Variants in LSP1 observed in about 807,000 individuals in gnomAD.
LSP1 encodes the protein lymphocyte specific protein 1.
In LSP1, 32 loss-of-function variants were observed where a neutral mutation model predicts 49.3. That is an observed-to-expected ratio of 0.65 (90% confidence interval 0.49 to 0.87). LSP1 has a LOEUF of 0.87. LSP1 is among the 40% of genes least tolerant of loss of function. LSP1 has a pLI of 0.00. For synonymous variants in LSP1, 179 were observed against 178.8 expected (o/e 1.00, Z -0.01); for missense variants, 428 against 442.6 (o/e 0.97, Z 0.30).
At chr11:1,880,414 A>G (rs1589825839) in intron 2 of LSP1, among the ~76,000 whole-genome samples, 190 bp downstream of exon 2, 1 of 152,012 alleles carries the variant, frequency 6.6e-6, no homozygotes, top group Non-Finnish European at 1.5e-5. Flanking sequence ...GCCCTAGAGG[A>G]GGGTCTGCCA....
At chr11:1,879,214 G>A (rs1441038637) in intron 1 of LSP1, among the ~76,000 whole-genome samples, 2 of 152,144 alleles carry the variant, frequency 1.3e-5, no homozygotes, top group Non-Finnish European at 2.9e-5. Flanking sequence ...GTATGGTGGT[G>A]CATGCCTGTA....
chr11:1,853,572 C>G (rs1847414552), intron 1 of LSP1, among the ~76,000 whole-genome samples: 1 of 152,164 alleles, frequency 6.6e-6, no homozygotes, highest in African/African-American at 2.4e-5. Flanking sequence ...AAGGTGGGGG[C>G]TGGGGAGCAG....
intron 1 of LSP1, chr11:1,876,532 T>A: frequency 1.0e-6 from 1 of 985,504 alleles, no homozygotes; most frequent in Non-Finnish European, 1.2e-6. Context: ...AGCCGCCCTC[T>A]GGGCTCAGGA....
At chr11:1,873,443 C>G (rs1424324881) in intron 1 of LSP1, among the ~76,000 whole-genome samples, 2 of 149,838 alleles carry the variant, frequency 1.3e-5, no homozygotes, top group African/African-American at 4.9e-5. Flanking sequence ...GGAGATCTCA[C>G]TCCTCCGTCT....
In LSP1 at chr11:1,883,467, G is replaced by C; in HGVS notation, c.405G>C (p.Leu135=). The C allele has an allele frequency of 6.2e-7, 1 of 1,614,124 alleles. No homozygotes were observed. The highest frequency in any genetic ancestry group is 8.5e-7 in the Non-Finnish European group (1 of 1,180,026). The part of the protein sequence containing the change: ...YEKEDSDEVH[L]EELSLSKEGP... ...AGGAGGACAGTGATGAAGTCCACCTGGAGGAGTTGAGTCTGAGCAAGGAGG... is the reference window on the plus strand; with the variant it reads ...AGGAGGACAGTGATGAAGTCCACCTCGAGGAGTTGAGTCTGAGCAAGGAGG... Residue 135 remains leucine (L), a synonymous_variant, in exon 4 of 11, where the codon CTG becomes CTC. Coordinates refer to ENST00000311604, the MANE Select transcript of LSP1 (RefSeq NM_002339.3).
chr11:1,855,544 C>T lies in LSP1; in HGVS notation c.53+2347C>T, dbSNP rs140989091. Among the ~76,000 whole-genome samples the T allele has an allele frequency of 2.5e-4, 38 of 152,328 alleles. No individual in the cohort carries two copies. The East Asian group carries it at 7.3e-3, about 29-fold the overall frequency. ...GGGACGGGGCCAGATTCCTCAGAAC[C>T]ACCCCTCCATGATGTGGTCTCTCAG... is the stretch of plus-strand genomic sequence containing the variant. On this transcript the variant is annotated intron_variant, in intron 1 of 10. Coordinates refer to ENST00000311604, the MANE Select transcript of LSP1 (RefSeq NM_002339.3).
intron 1 of LSP1, among the ~76,000 whole-genome samples, chr11:1,874,930 C>T (rs1848244799): frequency 6.6e-6 from 1 of 152,190 alleles, no homozygotes; most frequent in Non-Finnish European, 1.5e-5. Flanking sequence ...GGCTTTCTAC[C>T]TCACCAAGCC....
rs1321265627 is a variant in LSP1, at chr11:1,884,529, T to C, written c.665T>C (p.Leu222Ser). Reference protein sequence around the residue: ...SNSVKKSQPDLPISKIDQWLE... With the variant: ...SNSVKKSQPDSPISKIDQWLE... ...AGTGTGAAGAAATCCCAGCCAGACT[T>C]GCCCATCTCCAAGATTGATCAGTGG... The change falls in exon 7 of 11, where the codon TTG (leucine) becomes TCG (serine). Residue 222 changes from leucine to serine, a missense_variant. Transcript: ENST00000311604. The surrounding 1 kb of genome is among the most constrained non-coding windows in gnomAD (Gnocchi z 4.1). 2.5e-5 allele frequency: 41 copies of C among 1,613,932 alleles called. No homozygotes were observed. Among genetic ancestry groups the C allele is most frequent in the Non-Finnish European group, 2.8e-5 (33 of 1,179,942 alleles).
At chr11:1,875,977 G>A (rs746729845) in intron 1 of LSP1, among the ~76,000 whole-genome samples, 3 of 152,254 alleles carry the variant, frequency 2.0e-5, no homozygotes, top group East Asian at 1.9e-4. Flanking sequence ...GGACCCCTGC[G>A]TGTGGCACAA....
intron 2 of LSP1, chr11:1,881,129 G>C: frequency 6.2e-6 from 2 of 323,066 alleles, no homozygotes; most frequent in South Asian, 4.5e-5. Context: ...GATGAGGGAG[G>C]CATAGCCCTG....
At chr11:1,872,358 T>C (rs1848068693) in intron 1 of LSP1, among the ~76,000 whole-genome samples, 1 of 135,330 alleles carries the variant, frequency 7.4e-6, no homozygotes, top group Non-Finnish European at 1.6e-5. Context: ...GCTGGTAGAG[T>C]TGGGGTCTGT....
At chr11:1,883,815 A>T in intron 4 of LSP1, 117 bp from the exon 5 acceptor site, 1 of 1,038,674 alleles carries the variant, frequency 9.6e-7, no homozygotes. Context: ...GGAGCACGTC[A>T]GGGCCACAGA....
chr11:1,876,980 C>T (rs987867439), intron 1 of LSP1, among the ~76,000 whole-genome samples: 10 of 152,312 alleles, frequency 6.6e-5, no homozygotes, highest in Non-Finnish European at 1.3e-4. Context: ...TGGGCTGAAC[C>T]TTGGGCTTCG....
intron 1 of LSP1, chr11:1,865,076 C>T (rs1810199): frequency 0.48 from 189,303 of 394,232 alleles, 45,783 homozygotes; most frequent in South Asian, 0.6. Context: ...GAGCTGGGCA[C>T]AGGGGGGCAG....
In LSP1 at chr11:1,884,537, T is replaced by G. The variant is rs1293971450; in HGVS notation, c.673T>G (p.Ser225Ala). The change falls in exon 7 of 11, where the codon TCC (serine) becomes GCC (alanine). Residue 225 changes from serine to alanine, a missense_variant. Transcript: ENST00000311604. The surrounding 1 kb of genome is among the most constrained non-coding windows in gnomAD (Gnocchi z 4.1). The stretch of plus-strand genomic sequence containing the variant: ...GAAATCCCAGCCAGACTTGCCCATC[T>G]CCAAGATTGATCAGTGGCTGGAACA... ...VKKSQPDLPI[S>A]KIDQWLEQYT... 5.0e-6 allele frequency: 8 copies of G among 1,613,918 alleles called. No homozygotes were observed. The highest frequency in any genetic ancestry group is 5.9e-6 in the Non-Finnish European group (7 of 1,179,946).
chr11:1,872,427 G>A (rs1848073918), intron 1 of LSP1, among the ~76,000 whole-genome samples: 1 of 138,798 alleles, frequency 7.2e-6, no homozygotes, highest in African/African-American at 2.7e-5. Flanking sequence ...CTGGGCTGCA[G>A]TCATCCTGGT....
chr11:1,869,785 A>G, intron 1 of LSP1: 2 of 410,502 alleles, frequency 4.9e-6, no homozygotes, highest in Admixed American at 2.9e-5. Flanking sequence ...GGGGCGCCCC[A>G]CAGAGGAGGG....
At chr11:1,878,265 G>A (rs543232013) in intron 1 of LSP1, among the ~76,000 whole-genome samples, 1 of 152,202 alleles carries the variant, frequency 6.6e-6, no homozygotes, top group African/African-American at 2.4e-5. Context: ...GGGCTGGGGC[G>A]TGAGTGAGCA....
At position 1,871,139 on chromosome 11, in the gene LSP1, C is replaced by T. The variant is rs1847984441; in HGVS notation, c.54-8948C>T. 4.1e-6 allele frequency: 4 copies of T among 985,452 alleles called. 1 individual carries two copies. The South Asian group carries it at 1.4e-4, about 35-fold the overall frequency. The allele number at this position is 985,452 out of a possible 1,614,324, so 61.0% of individuals were successfully genotyped here. ...GGTCGCCTCGCTCGTGGCACGGGCT[C>T]GGCAGCGTTGTGGTTAGTGACACGG... On this transcript the variant is annotated intron_variant, in intron 1 of 10. Coordinates refer to ENST00000311604, the MANE Select transcript of LSP1 (RefSeq NM_002339.3).
Sources: gnomAD v4.1 joint callset for allele counts (sites outside exome capture counted in the v4.1 genomes callset) on GRCh38, gnomAD v4.1.1 for gene constraint, Gnocchi (gnomAD v3.1) non-coding constraint, MANE v1.5 for transcripts, NCBI Gene and HGNC (gene_info 2026-07-23, HGNC 2026-07-21) for gene names.